CCPG1: variants seen among roughly 807,000 people sequenced by gnomAD.
CCPG1 encodes the protein cell cycle progression protein 1.
A neutral mutation model predicts 81.3 loss-of-function variants in CCPG1; 46 were observed. That is an observed-to-expected ratio of 0.57 (90% CI 0.45 to 0.72). The LOEUF is 0.72. Ranked by LOEUF, CCPG1 falls within the 30% of genes least tolerant of loss-of-function variation. The pLI is 0.00. For missense variants in CCPG1, 902 were observed against 937.6 expected (o/e 0.96, Z 0.50); for synonymous variants, 330 against 305.2 (o/e 1.08, Z -0.85).
In CCPG1 at chr15:55,372,997, G is replaced by A. The variant is rs775387693; in HGVS notation, c.455-953C>T. 3 of 534,562 alleles carry A rather than the reference G, an allele frequency of 5.6e-6. No homozygotes were observed. The African/African-American group carries it at 5.8e-5, about 10-fold the overall frequency. The allele number at this position is 534,562 out of a possible 1,614,324, so 33.1% of individuals were successfully genotyped here. ...AGAAGGTTATTAATTTTACCCTCTA[G>A]TAAATATGTCAGCATGAGGAAGTGA... On this transcript the variant is annotated intron_variant, in intron 5 of 8. Coordinates refer to ENST00000442196, the MANE Select transcript of CCPG1 (RefSeq NM_001204450.2).
intron 3 of CCPG1, among the ~76,000 whole-genome samples, chr15:55,381,892 T>C (rs189035362): frequency 3.3e-5 from 5 of 152,282 alleles, no homozygotes; most frequent in East Asian, 1.9e-4. Flanking sequence ...TCCAAACCAA[T>C]GTAATAAAGC....
chr15:55,376,337 T>C (rs562609812), intron 5 of CCPG1, among the ~76,000 whole-genome samples: 1 of 152,330 alleles, frequency 6.6e-6, no homozygotes, highest in Non-Finnish European at 1.5e-5. Flanking sequence ...ACTCACACTT[T>C]AATCTCTGAA....
intron 1 of CCPG1, among the ~76,000 whole-genome samples, chr15:55,401,262 C>A (rs2057124013): frequency 6.6e-6 from 1 of 152,202 alleles, no homozygotes; most frequent in Admixed American, 6.5e-5. Context: ...GTTCTCTATT[C>A]TGTTCCACTG....
chr15:55,375,357 C>A (rs1158300535), intron 5 of CCPG1, among the ~76,000 whole-genome samples: 3 of 152,028 alleles, frequency 2.0e-5, no homozygotes, highest in Non-Finnish European at 2.9e-5. Flanking sequence ...CTTTTCTGGG[C>A]CATGAATATT....
intron 8 of CCPG1, chr15:55,357,557 C>G (rs1293520670): frequency 2.0e-6 from 1 of 501,618 alleles, no homozygotes; most frequent in Non-Finnish European, 2.6e-6. Flanking sequence ...AGAAATAATT[C>G]ATCAGTTTTA....
chr15:55,366,643 G>GCA, intron 6 of CCPG1, among the ~76,000 whole-genome samples: 1 of 152,106 alleles, frequency 6.6e-6, no homozygotes, highest in African/African-American at 2.4e-5. Context: ...GTGGTGGCAT[G>GCA]TGCCTGTAAT....
intron 6 of CCPG1, among the ~76,000 whole-genome samples, chr15:55,366,968 A>G (rs897738912): frequency 3.3e-5 from 5 of 152,200 alleles, no homozygotes; most frequent in African/African-American, 1.2e-4. Flanking sequence ...TTTTACAAAG[A>G]AAGGATGCAG....
At position 55,356,351 on chromosome 15, in the gene CCPG1, CTT is replaced by C; in HGVS notation, c.2291_2292del (p.Gln764ArgfsTer11). 2 of 1,535,592 alleles carry C rather than the reference CTT, an allele frequency of 1.3e-6. No homozygotes were observed. Among genetic ancestry groups the C allele is most frequent in the East Asian group, 2.4e-5 (1 of 40,884 alleles). On this transcript the variant is annotated frameshift_variant, in exon 9 of 9. Coordinates refer to ENST00000442196, the MANE Select transcript of CCPG1 (RefSeq NM_001204450.2). LOFTEE classifies it high-confidence loss of function. ...VNIENSRHRK[Q>X]EQKHLQPQPY... ...GGCTGTGGCTGAAGGTGCTTCTGCTCTTGTTTTCGATGCCTGGAGTTTTCAAT... is the reference window on the plus strand; with the variant it reads ...GGCTGTGGCTGAAGGTGCTTCTGCTCGTTTTCGATGCCTGGAGTTTTCAAT...
At chr15:55,361,169 A>AGAATTTTTTTTTTTTTGAGATGGAGTCTC (rs1178328005) in intron 7 of CCPG1, among the ~76,000 whole-genome samples, 3 of 151,662 alleles carry the variant, frequency 2.0e-5, no homozygotes, top group African/African-American at 7.3e-5. Flanking sequence ...GCATGGTGTA[A>AGAATTTTTTTTTTTTTGAGATGGAGTCTC]GAATTTTTTT....
At chr15:55,405,292 G>A (rs115704165) in intron 1 of CCPG1, among the ~76,000 whole-genome samples, 5,542 of 152,202 alleles carry the variant, frequency 0.036, 101 homozygotes, top group African/African-American at 0.05. Flanking sequence ...AAACCAGGAG[G>A]CGGAGGTTGT....
chr15:55,380,995 A>G (rs888041217), intron 3 of CCPG1, among the ~76,000 whole-genome samples: 3 of 151,750 alleles, frequency 2.0e-5, no homozygotes, highest in Non-Finnish European at 4.4e-5. Context: ...AAATTAGCCG[A>G]GCGTGGTGGT....
chr15:55,392,709 G>A (rs893251697), intron 1 of CCPG1, among the ~76,000 whole-genome samples: 1 of 152,122 alleles, frequency 6.6e-6, no homozygotes, highest in African/African-American at 2.4e-5. Context: ...TAAAGACAGG[G>A]TTTTGCCATG....
At chr15:55,363,988 G>A (rs926850579) in intron 7 of CCPG1, among the ~76,000 whole-genome samples, 1 of 149,606 alleles carries the variant, frequency 6.7e-6, no homozygotes, top group African/African-American at 2.4e-5. Flanking sequence ...ATTTTTAGTA[G>A]AGACAAGGTT....
At chr15:55,361,715 C>A (rs1375412094) in intron 7 of CCPG1, among the ~76,000 whole-genome samples, 2 of 147,852 alleles carry the variant, frequency 1.4e-5, no homozygotes, top group Admixed American at 6.7e-5. Flanking sequence ...AAAAAAAAAA[C>A]AAATAAAAAA....
At position 55,361,770 on chromosome 15, in the gene CCPG1, T is replaced by G. The variant is rs558934469; in HGVS notation, c.829-826A>C. ...AGAGCTGACTTACGGCTTCAAAAATTGTTTGTACTCAGTGTACCCTTCAAA... is the reference window on the plus strand; with the variant it reads ...AGAGCTGACTTACGGCTTCAAAAATGGTTTGTACTCAGTGTACCCTTCAAA... On this transcript the variant is annotated intron_variant, in intron 7 of 8. Coordinates refer to ENST00000442196, the MANE Select transcript of CCPG1 (RefSeq NM_001204450.2). Among the ~76,000 whole-genome samples the G allele has an allele frequency of 7.9e-4, 120 of 152,212 alleles. 1 individual carries two copies. Among genetic ancestry groups the G allele is most frequent in the Non-Finnish European group, 1.5e-3 (100 of 67,994 alleles).
intron 1 of CCPG1, among the ~76,000 whole-genome samples, chr15:55,395,108 G>A (rs903882756): frequency 6.6e-6 from 1 of 151,978 alleles, no homozygotes; most frequent in Non-Finnish European, 1.5e-5. Context: ...CTTTCTGTGC[G>A]GCAAGCAGCA....
At chr15:55,365,956 A>T (rs1157052217) in intron 6 of CCPG1, among the ~76,000 whole-genome samples, 4 of 151,962 alleles carry the variant, frequency 2.6e-5, no homozygotes, top group African/African-American at 9.7e-5. Context: ...TAAAATAAAA[A>T]AAGAAAAGTA....
chr15:55,382,569 G>A (rs1188380184), intron 3 of CCPG1, among the ~76,000 whole-genome samples: 1 of 150,636 alleles, frequency 6.6e-6, no homozygotes, highest in Non-Finnish European at 1.5e-5. Context: ...GAGTGCAGTG[G>A]CGCGATCTTG....
chr15:55,371,911 A>G lies in CCPG1; in HGVS notation c.588T>C (p.Ala196=). Residue 196 remains alanine, a synonymous_variant, in exon 6 of 9, where the codon GCT becomes GCC. Coordinates refer to ENST00000442196, the MANE Select transcript of CCPG1 (RefSeq NM_001204450.2). The part of the protein sequence containing the change: ...SASESEDRLV[A]EQETEPSKEL... ...CCTTAGAAGGTTCAGTTTCTTGTTC[A>G]GCAACTAGCCGGTCTTCAGATTCTG... The G allele has an allele frequency of 6.2e-7, 1 of 1,614,218 alleles. No individual in the cohort carries two copies. Among genetic ancestry groups the G allele is most frequent in the Non-Finnish European group, 8.5e-7 (1 of 1,180,038 alleles).
Sources: gnomAD v4.1 joint callset for allele counts (sites outside exome capture counted in the v4.1 genomes callset) on GRCh38, gnomAD v4.1.1 for gene constraint, MANE v1.5 for transcripts, NCBI Gene and HGNC (gene_info 2026-07-23, HGNC 2026-07-21) for gene names.